Variants in SGCD observed in about 807,000 individuals in gnomAD.
The protein encoded by SGCD is sarcoglycan delta, also known as delta-sarcoglycan.
Under a neutral mutation model 36.6 loss-of-function variants are expected in SGCD, and 18 were observed. The ratio of observed to expected loss-of-function variants is 0.49; its 90% CI spans 0.34 to 0.73. The LOEUF (loss-of-function observed/expected upper bound fraction) is 0.73, where lower values mean the gene tolerates loss of function less well. Ranked by LOEUF, SGCD falls within the 30% of genes least tolerant of loss-of-function variation. The probability of loss-of-function intolerance (pLI) is 0.01; values close to 1 mark genes in which losing one functional copy is unlikely to be tolerated. For synonymous variants in SGCD, 133 were observed against 130.6 expected, an observed-to-expected ratio of 1.02 and a Z score of -0.12; for missense variants, 387 against 346.7, an observed-to-expected ratio of 1.12 and a Z score of -0.92.
At chr5:156,692,854 A>G (rs1754170941) in intron 7 of SGCD, among the ~76,000 whole-genome samples, 1 of 152,254 alleles carries the variant, frequency 6.6e-6, no homozygotes, top group Non-Finnish European at 1.5e-5. Flanking sequence ...ATTTGTATGT[A>G]CAAGTTTGTA....
At chr5:155,842,116 G>T in the SGCD span, among the ~76,000 whole-genome samples, 1 of 152,034 alleles carries the variant, frequency 6.6e-6, no homozygotes, top group East Asian at 1.9e-4. Flanking sequence ...GGAAAGATAG[G>T]GGAAGAAAGC....
chr5:156,510,786 TAAG>T (rs1453218867), intron 4 of SGCD, among the ~76,000 whole-genome samples: 3 of 152,166 alleles, frequency 2.0e-5, no homozygotes, highest in East Asian at 1.9e-4. Context: ...TTTAAGAACA[TAAG>T]AAGAACAGTT....
At chr5:156,549,472 T>C (rs1270284645) in intron 4 of SGCD, among the ~76,000 whole-genome samples, 1 of 152,240 alleles carries the variant, frequency 6.6e-6, no homozygotes, top group African/African-American at 2.4e-5. Flanking sequence ...TGGACTTAGC[T>C]TGGCACCAGT....
intron 4 of SGCD, among the ~76,000 whole-genome samples, chr5:156,584,884 C>T (rs1005944827): frequency 6.6e-6 from 1 of 152,148 alleles, no homozygotes; most frequent in Admixed American, 6.5e-5. Flanking sequence ...TGACAACTCT[C>T]ACTCTCTGTT....
chr5:156,473,897 G>A (rs528780245), intron 3 of SGCD, among the ~76,000 whole-genome samples: 1 of 151,664 alleles, frequency 6.6e-6, no homozygotes, highest in South Asian at 2.1e-4. Context: ...TAACCTATCC[G>A]ATAAATAAAT....
At position 156,053,444 on chromosome 5, in the gene SGCD, C is replaced by T. The variant is rs543336303; in HGVS notation, c.-281-64434C>T. ...AGTGAGGGGGTGAGAGGCAGGACTACATGTGAGCCAAACTCCAAGCACTCA... is the reference window on the plus strand; with the variant it reads ...AGTGAGGGGGTGAGAGGCAGGACTATATGTGAGCCAAACTCCAAGCACTCA... On this transcript the variant is annotated intron_variant, in intron 1 of 9. Transcript: ENST00000517913. 2.0e-5 allele frequency among the ~76,000 whole-genome samples: 3 copies of T among 146,438 alleles called. No homozygotes were observed. In the East Asian group the frequency reaches 5.8e-4, roughly 28 times the overall value.
intron 1 of SGCD, among the ~76,000 whole-genome samples, chr5:155,970,620 A>T (rs1757990126): frequency 6.6e-6 from 1 of 152,166 alleles, no homozygotes; most frequent in African/African-American, 2.4e-5. Context: ...AATGCTAATT[A>T]TATAGATTGT....
Position 156,761,410 on chromosome 5 carries a change from T to G in SGCD, c.*2020T>G, listed in dbSNP as rs1208419480. Reference sequence around the variant, plus strand: ...GATTGGTTGGTTTGTAGCACTAAGGTCTAAAAAGGAAAACCATAAAAGACA... The same window carrying G: ...GATTGGTTGGTTTGTAGCACTAAGGGCTAAAAAGGAAAACCATAAAAGACA... On this transcript the variant is annotated 3_prime_UTR_variant, in exon 9 of 9. Transcript: ENST00000337851. The G allele has an allele frequency of 2.0e-5, 3 of 152,104 alleles. No individual in the cohort carries two copies. The highest frequency in any genetic ancestry group is 7.2e-5 in the African/African-American group (3 of 41,400). 9.4% of individuals were successfully genotyped at this position (152,104 alleles called of 1,614,324 possible). A position where few individuals can be genotyped will look rare whatever the true frequency, so the allele number is the denominator to read the frequency against.
At chr5:156,364,417 T>C (rs941651634) in intron 3 of SGCD, among the ~76,000 whole-genome samples, 2 of 152,114 alleles carry the variant, frequency 1.3e-5, no homozygotes, top group Non-Finnish European at 2.9e-5. Flanking sequence ...TTAGCAAGAA[T>C]ACTTTGCAAA....
At chr5:155,830,485 A>G in the SGCD span, among the ~76,000 whole-genome samples, 1 of 152,184 alleles carries the variant, frequency 6.6e-6, no homozygotes, top group Non-Finnish European at 1.5e-5. Context: ...TACGAATTTT[A>G]GGGGGAGAGT....
chr5:156,627,008 G>T (rs1762464127), intron 6 of SGCD, among the ~76,000 whole-genome samples: 1 of 152,192 alleles, frequency 6.6e-6, no homozygotes, highest in Non-Finnish European at 1.5e-5. Context: ...TCTGAATTGT[G>T]CAGAAGTTAG....
Position 155,895,642 on chromosome 5 carries a change from G to C in SGCD, c.-282+25218G>C, listed in dbSNP as rs368480343. ...CTGCCTTTCATGCTGTGAAAGAACTGTCAAATTTGAAGTATAATGACTGTA... is the reference window on the plus strand; with the variant it reads ...CTGCCTTTCATGCTGTGAAAGAACTCTCAAATTTGAAGTATAATGACTGTA... On this transcript the variant is annotated intron_variant, in intron 1 of 9. Coordinates refer to the SGCD transcript ENST00000517913. Among the ~76,000 whole-genome samples, 5 of 150,590 alleles carry C rather than the reference G, an allele frequency of 3.3e-5. No homozygotes were observed. The East Asian group carries it at 7.8e-4, about 23-fold the overall frequency.
At chr5:156,025,750 ACT>A (rs70981995) in intron 1 of SGCD, among the ~76,000 whole-genome samples, 12,557 of 152,266 alleles carry the variant, frequency 0.082, 736 homozygotes, top group Middle Eastern at 0.19. Flanking sequence ...GCTGTTTGCC[ACT>A]CTGATTCTCA....
At chr5:156,502,978 A>G (rs757083052) in intron 3 of SGCD, among the ~76,000 whole-genome samples, 10 of 152,194 alleles carry the variant, frequency 6.6e-5, no homozygotes, top group Admixed American at 1.3e-4. Flanking sequence ...AGAGACAGGG[A>G]AGTAGGCTAG....
chr5:156,368,601 G>T (rs1770228696), intron 3 of SGCD, among the ~76,000 whole-genome samples: 1 of 152,160 alleles, frequency 6.6e-6, no homozygotes, highest in Non-Finnish European at 1.5e-5. Context: ...TGGCTAGCAA[G>T]CAAAGCTTCA....
In SGCD at chr5:155,872,378, C is replaced by G. The variant is rs924154535; in HGVS notation, c.-282+1954C>G. On this transcript the variant is annotated intron_variant, in intron 1 of 9. Coordinates refer to the SGCD transcript ENST00000517913. The stretch of plus-strand genomic sequence containing the variant: ...ACACACACACACACACACACACACA[C>G]ACACACACTCTCATGGAAAACTCTA... 3.2e-4 allele frequency among the ~76,000 whole-genome samples: 49 copies of G among 151,826 alleles called. 1 individual carries two copies. Among genetic ancestry groups the G allele is most frequent in the Non-Finnish European group, 1.5e-4 (10 of 67,940 alleles).
chr5:156,158,632 T>C (rs186594409), intron 3 of SGCD, among the ~76,000 whole-genome samples: 119 of 151,668 alleles, frequency 7.8e-4, no homozygotes, highest in South Asian at 1.2e-3. Context: ...ATTAATGCAG[T>C]CTTTACGGAC....
intron 1 of SGCD, among the ~76,000 whole-genome samples, chr5:155,946,643 A>G (rs1757443168): frequency 6.6e-6 from 1 of 152,194 alleles, no homozygotes; most frequent in Admixed American, 6.5e-5. Flanking sequence ...CATGCCAAAA[A>G]CAACACAGTT....
In SGCD at chr5:156,370,173, G is replaced by A. The variant is rs542694477; in HGVS notation, c.192+25496G>A. ...CCTTGAGAGAATAATACTTTATTAC[G>A]CACAGGCTCAGAAAGCACAGTTTCA... On this transcript the variant is annotated intron_variant, in intron 3 of 8. Transcript: ENST00000337851. Among the ~76,000 whole-genome samples the A allele has an allele frequency of 2.2e-4, 34 of 152,232 alleles. No individual in the cohort carries two copies. In the South Asian group the frequency reaches 3.1e-3, roughly 14 times the overall value.
Sources: gnomAD v4.1 joint callset for allele counts (sites outside exome capture counted in the v4.1 genomes callset) on GRCh38, gnomAD v4.1.1 for gene constraint, MANE v1.5 for transcripts, NCBI Gene and HGNC (gene_info 2026-07-23, HGNC 2026-07-21) for gene names.